FCHSD2: variants seen among roughly 807,000 people sequenced by gnomAD.
The protein encoded by FCHSD2 is FCH and double SH3 domains 2.
Under a neutral mutation model 108.1 loss-of-function variants are expected in FCHSD2, and 38 were observed. That is an observed-to-expected ratio of 0.35 (90% CI 0.27 to 0.46). The LOEUF (loss-of-function observed/expected upper bound fraction) is 0.46. FCHSD2 is among the 20% of genes least tolerant of loss of function. The probability of loss-of-function intolerance (pLI) is 1.00; values close to 1 mark genes in which losing one functional copy is unlikely to be tolerated. For synonymous variants in FCHSD2, 279 were observed against 314.7 expected (o/e 0.89, Z 1.20); for missense variants, 751 against 897.8 (o/e 0.84, Z 2.09).
rs575813937 is a variant in FCHSD2, at chr11:73,119,099, C to T, written c.119+20932G>A. On this transcript the variant is annotated intron_variant, in intron 2 of 19. Coordinates refer to ENST00000409418, the MANE Select transcript of FCHSD2 (RefSeq NM_014824.3). ...GATGGATAGCTCAAGCTTGGGAGTTCGGGGCTATCCTGGGCAACATGATGA... is the reference window on the plus strand; with the variant it reads ...GATGGATAGCTCAAGCTTGGGAGTTTGGGGCTATCCTGGGCAACATGATGA... Among the ~76,000 whole-genome samples the T allele has an allele frequency of 7.2e-5, 11 of 152,102 alleles. No homozygotes were observed. The South Asian group carries it at 1.0e-3, about 14-fold the overall frequency.
intron 3 of FCHSD2, among the ~76,000 whole-genome samples, chr11:73,073,682 A>T (rs1425454610): frequency 1.3e-5 from 2 of 152,246 alleles, no homozygotes; most frequent in Non-Finnish European, 2.9e-5. Flanking sequence ...CATTCCTCGT[A>T]ATAATTCTAT....
chr11:72,840,953 C>T lies in FCHSD2; in HGVS notation c.2063G>A (p.Ser688Asn). The change falls in exon 19 of 20, where the codon AGC (serine) becomes AAC (asparagine). Residue 688 changes from serine (S) to asparagine (N), a missense_variant. Transcript: ENST00000409418. ...FPRSPSANEK[S>N]LHAESPGFSQ... The stretch of plus-strand genomic sequence containing the variant: ...GAATCCTGGTGACTCAGCATGAAGG[C>T]TTTTTTCTAAGGGAGAAAACCAAAG... 1.2e-6 allele frequency: 2 copies of T among 1,612,264 alleles called. No homozygotes were observed. The highest frequency in any genetic ancestry group is 1.7e-6 in the Non-Finnish European group (2 of 1,178,560).
intron 2 of FCHSD2, among the ~76,000 whole-genome samples, chr11:73,134,833 G>C (rs1411375138): frequency 6.6e-6 from 1 of 152,092 alleles, no homozygotes; most frequent in East Asian, 1.9e-4. Flanking sequence ...TTCTGGGGGG[G>C]AGTTTGTTTT....
At chr11:72,872,934 C>G (rs773437674) in intron 12 of FCHSD2, among the ~76,000 whole-genome samples, 5 of 152,186 alleles carry the variant, frequency 3.3e-5, no homozygotes, top group Non-Finnish European at 5.9e-5. Context: ...TCTCCACATC[C>G]TGGCAAATGC....
intron 3 of FCHSD2, among the ~76,000 whole-genome samples, chr11:73,070,141 C>G (rs1859398011): frequency 6.6e-6 from 1 of 152,142 alleles, no homozygotes; most frequent in African/African-American, 2.4e-5. Context: ...ATAGGGTAAA[C>G]AAAGATGTTC....
chr11:73,126,678 A>C (rs1371544443), intron 2 of FCHSD2, among the ~76,000 whole-genome samples: 1 of 152,196 alleles, frequency 6.6e-6, no homozygotes, highest in Non-Finnish European at 1.5e-5. Flanking sequence ...CTGAATCATT[A>C]AATTTTAGTT....
chr11:72,900,404 C>A, intron 10 of FCHSD2: 1 of 948,192 alleles, frequency 1.1e-6, no homozygotes, highest in Non-Finnish European at 1.7e-6. Context: ...GGACACAACA[C>A]CTAAGAACAT....
At chr11:73,121,700 T>C in intron 2 of FCHSD2, among the ~76,000 whole-genome samples, 2 of 149,604 alleles carry the variant, frequency 1.3e-5, no homozygotes, top group East Asian at 3.9e-4. Flanking sequence ...TAAGGTAAGG[T>C]AAGTAAACAA....
chr11:73,052,301 T>G (rs1212525163), intron 3 of FCHSD2, among the ~76,000 whole-genome samples: 4 of 152,218 alleles, frequency 2.6e-5, no homozygotes, highest in African/African-American at 9.6e-5. Flanking sequence ...GATGGTGCAA[T>G]TGTAATGACA....
intron 8 of FCHSD2, 193 bp downstream of exon 8, chr11:72,983,895 A>G: frequency 1.5e-6 from 1 of 677,002 alleles, no homozygotes; most frequent in Non-Finnish European, 2.7e-6. Flanking sequence ...GTCTGTAAAC[A>G]TTTTCTTAAC....
intron 2 of FCHSD2, among the ~76,000 whole-genome samples, chr11:73,124,480 G>A (rs1860807422): frequency 6.6e-6 from 1 of 152,142 alleles, no homozygotes; most frequent in South Asian, 2.1e-4. Context: ...AATGGGCCAG[G>A]CGCAGTGGCT....
chr11:72,914,351 T>C (rs1050415478), intron 9 of FCHSD2, among the ~76,000 whole-genome samples: 1 of 152,134 alleles, frequency 6.6e-6, no homozygotes, highest in Non-Finnish European at 1.5e-5. Flanking sequence ...CTATTCCCAT[T>C]GAACTACCAT....
chr11:73,071,122 C>T lies in FCHSD2; in HGVS notation c.165+12573G>A, dbSNP rs139836028. ...GTCTACCAATTATTTTACAAGAACA[C>T]TTTTGGAAGACACAGTCTCTTCCAT... On this transcript the variant is annotated intron_variant, in intron 3 of 19. Coordinates refer to ENST00000409418, the MANE Select transcript of FCHSD2 (RefSeq NM_014824.3). 2.8e-4 allele frequency among the ~76,000 whole-genome samples: 43 copies of T among 152,292 alleles called. No homozygotes were observed. The East Asian group carries it at 7.7e-3, about 27-fold the overall frequency.
chr11:72,944,551 G>A (rs1405619543), intron 8 of FCHSD2, among the ~76,000 whole-genome samples: 4 of 152,116 alleles, frequency 2.6e-5, no homozygotes, highest in Admixed American at 6.6e-5. Context: ...TCTGGCCAGG[G>A]CAATCAGGCA....
chr11:73,083,649 C>T (rs11607724), intron 3 of FCHSD2, 46 bp downstream of exon 3: 23,973 of 1,250,148 alleles, frequency 0.019, 282 homozygotes, highest in Non-Finnish European at 0.023. Flanking sequence ...CCTTAAGCCA[C>T]GGAAAAGAAG....
At chr11:72,976,136 T>C (rs943574962) in intron 8 of FCHSD2, among the ~76,000 whole-genome samples, 1 of 152,214 alleles carries the variant, frequency 6.6e-6, no homozygotes, top group Admixed American at 6.5e-5. Context: ...TTGTTTGTTT[T>C]AGTTTAGAGT....
chr11:73,104,940 T>A (rs1032704485), intron 2 of FCHSD2, among the ~76,000 whole-genome samples: 2 of 152,202 alleles, frequency 1.3e-5, no homozygotes, highest in African/African-American at 4.8e-5. Flanking sequence ...CACGTTTAAA[T>A]GAATGCATTT....
intron 2 of FCHSD2, among the ~76,000 whole-genome samples, chr11:73,098,426 A>G (rs183690873): frequency 2.0e-3 from 306 of 152,190 alleles, no homozygotes; most frequent in Admixed American, 4.8e-3. Context: ...TATGATTTTG[A>G]TCTTTTAAAA....
chr11:72,950,656 T>C (rs1251707054), intron 8 of FCHSD2, among the ~76,000 whole-genome samples: 1 of 152,032 alleles, frequency 6.6e-6, no homozygotes, highest in Non-Finnish European at 1.5e-5. Flanking sequence ...AGTAGTCTTT[T>C]GTATTTCCCT....
Sources: allele counts gnomAD v4.1 joint callset (sites outside exome capture counted in the v4.1 genomes callset), GRCh38; gene constraint gnomAD v4.1.1; transcripts MANE v1.5; gene names NCBI Gene and HGNC (gene_info 2026-07-23, HGNC 2026-07-21).